ASNS: variants seen among roughly 807,000 people sequenced by gnomAD.
ASNS encodes asparagine synthetase (glutamine-hydrolyzing).
Under a neutral mutation model 62.6 loss-of-function variants are expected in ASNS, and 37 were observed. The ratio of observed to expected loss-of-function variants is 0.59; its 90% CI spans 0.45 to 0.78. The LOEUF is 0.78. Among genes scored for constraint, ASNS ranks in the 30% least tolerant of loss-of-function variants. The pLI is 0.00. For synonymous variants in ASNS, 207 were observed against 237.9 expected (o/e 0.87, Z 1.19); for missense variants, 520 against 682.4 (o/e 0.76, Z 2.65).
chr7:97,854,787 T>C (rs1278731777), intron 9 of ASNS, 107 bp from the exon 10 acceptor site: 2 of 1,558,286 alleles, frequency 1.3e-6, no homozygotes, highest in Admixed American at 3.9e-5. Flanking sequence ...GTTAAACAAA[T>C]TTAGGGAAGG....
Position 97,852,119 on chromosome 7 carries a change from C to T in ASNS, c.*140G>A. 2 of 883,060 alleles carry T rather than the reference C, an allele frequency of 2.3e-6. No individual in the cohort carries two copies. Among genetic ancestry groups the T allele is most frequent in the Non-Finnish European group, 1.7e-6 (1 of 578,344 alleles). The allele number at this position is 883,060 out of a possible 1,614,324, so 54.7% of individuals were successfully genotyped here. On this transcript the variant is annotated 3_prime_UTR_variant, in exon 13 of 13. Coordinates refer to ENST00000394308, the MANE Select transcript of ASNS (RefSeq NM_001673.5). ...GAGACTGCATGAACATAAATGACTA[C>T]AGCAATGGTTTAGATTTAGGACTTT...
the ASNS span, among the ~76,000 whole-genome samples, chr7:97,916,494 ACTCTTTGCAAGCAG>A: frequency 1.3e-5 from 2 of 151,938 alleles, no homozygotes; most frequent in African/African-American, 2.4e-5. Context: ...AAATTAAGCA[ACTCTTTGCAAGCAG>A]CTCTTTGCAA....
the ASNS span, among the ~76,000 whole-genome samples, chr7:97,911,754 G>A: frequency 3.3e-3 from 504 of 152,186 alleles, 3 homozygotes; most frequent in African/African-American, 0.011. Context: ...ACAAAGTACA[G>A]CACACAAGGA....
intron 4 of ASNS, 103 bp from the exon 5 acceptor site, chr7:97,859,501 C>T: frequency 1.6e-6 from 2 of 1,267,546 alleles, no homozygotes; most frequent in Non-Finnish European, 2.1e-6. Flanking sequence ...CTTTTTAATA[C>T]AAACACATAC....
chr7:97,872,357 G>C lies in ASNS; in HGVS notation c.-66C>G, dbSNP rs1353365320. The C allele has an allele frequency of 6.8e-6, 1 of 147,056 alleles. No individual in the cohort carries two copies. Among genetic ancestry groups the C allele is most frequent in the Non-Finnish European group, 1.5e-5 (1 of 67,998 alleles). The allele number at this position is 147,056 out of a possible 1,614,324, so 9.1% of individuals were successfully genotyped here. A position where few individuals can be genotyped will look rare whatever the true frequency, so the allele number is the denominator to read the frequency against. On this transcript the variant is annotated 5_prime_UTR_variant, in exon 1 of 13. Transcript: ENST00000394308. ...GGCGCAGGACCCGGCTCACCTGGGC[G>C]TAAGCAGGTCAGGGTGATGTGGCGG...
chr7:97,905,922 C>T, the ASNS span, among the ~76,000 whole-genome samples: 1 of 152,220 alleles, frequency 6.6e-6, no homozygotes, highest in Non-Finnish European at 1.5e-5. Context: ...CCTCCCCGCT[C>T]CTTTCCTGTG....
chr7:97,877,637 G>A, the ASNS span, among the ~76,000 whole-genome samples: 50 of 152,004 alleles, frequency 3.3e-4, 1 homozygote, highest in Non-Finnish European at 6.2e-4. Flanking sequence ...ATTGTTGAAC[G>A]AAGGCCCTCA....
chr7:97,882,982 C>G, the ASNS span, among the ~76,000 whole-genome samples: 2 of 152,202 alleles, frequency 1.3e-5, no homozygotes. Flanking sequence ...GCTGGAAATG[C>G]CAAGTGTGCT....
the ASNS span, among the ~76,000 whole-genome samples, chr7:97,883,527 C>T: frequency 2.0e-5 from 3 of 152,166 alleles, no homozygotes; most frequent in East Asian, 3.8e-4. Flanking sequence ...AACCAAGCCA[C>T]CATCACCTCC....
chr7:97,915,600 A>G, the ASNS span, among the ~76,000 whole-genome samples: 7 of 152,254 alleles, frequency 4.6e-5, no homozygotes, highest in South Asian at 4.2e-4. Flanking sequence ...ATGAAAGCAG[A>G]TAACAGGGGG....
the ASNS span, chr7:97,928,353 C>A: frequency 1.8e-6 from 2 of 1,096,150 alleles, no homozygotes; most frequent in Non-Finnish European, 2.6e-6. Flanking sequence ...CGCAAGCGGC[C>A]TCTCGGCGGA....
chr7:97,919,334 T>G, the ASNS span, among the ~76,000 whole-genome samples: 1 of 152,186 alleles, frequency 6.6e-6, no homozygotes, highest in Non-Finnish European at 1.5e-5. Context: ...CAAGCTGGTC[T>G]CGAACTCCTG....
chr7:97,906,740 T>C, the ASNS span: 1 of 152,498 alleles, frequency 6.6e-6, no homozygotes, highest in Admixed American at 6.5e-5. Context: ...ATTGATTTGT[T>C]GTAAGAGATG....
the ASNS span, among the ~76,000 whole-genome samples, chr7:97,895,179 T>C: frequency 3.3e-5 from 5 of 152,332 alleles, no homozygotes; most frequent in South Asian, 6.2e-4. Flanking sequence ...CATTCCTTCA[T>C]GATGAAAACT....
the ASNS span, among the ~76,000 whole-genome samples, chr7:97,901,769 G>A: frequency 2.0e-5 from 3 of 151,986 alleles, no homozygotes; most frequent in Non-Finnish European, 4.4e-5. Flanking sequence ...CTTGAGGCCA[G>A]GAGTTTGAGA....
intron 1 of ASNS, chr7:97,871,573 G>A (rs1174340482): frequency 6.6e-6 from 1 of 152,190 alleles, no homozygotes; most frequent in African/African-American, 2.4e-5. Flanking sequence ...AATAATGTAG[G>A]CCACGGGCCG....
upstream of ASNS, among the ~76,000 whole-genome samples, chr7:97,873,504 C>T (rs1792369686): frequency 6.6e-6 from 1 of 152,204 alleles, no homozygotes. Context: ...TGAGAGATGA[C>T]TTGTTCTAAG....
chr7:97,871,538 C>T (rs896560505), intron 1 of ASNS: 17 of 151,878 alleles, frequency 1.1e-4, no homozygotes, highest in Non-Finnish European at 2.1e-4. Flanking sequence ...ATTAGTCAAG[C>T]GCCCAGGGCA....
At chr7:97,920,369 C>T in the ASNS span, among the ~76,000 whole-genome samples, 34 of 151,966 alleles carry the variant, frequency 2.2e-4, no homozygotes, top group East Asian at 6.4e-3. Flanking sequence ...GCCCGTCCTG[C>T]CCCCCTCCAG....
Sources: allele counts gnomAD v4.1 joint callset (sites outside exome capture counted in the v4.1 genomes callset), GRCh38; gene constraint gnomAD v4.1.1; transcripts MANE v1.5; gene names NCBI Gene and HGNC (gene_info 2026-07-23, HGNC 2026-07-21).